The following SEC16A variants were observed in gnomAD, a reference collection of about 807,000 sequenced individuals.
SEC16A encodes the protein SEC16 homolog A, endoplasmic reticulum export factor.
A neutral mutation model predicts 221.9 loss-of-function variants in SEC16A; 110 were observed. The ratio of observed to expected loss-of-function variants is 0.50; its 90% CI spans 0.42 to 0.58. The LOEUF (loss-of-function observed/expected upper bound fraction) is 0.58, where lower values mean the gene tolerates loss of function less well. Among genes scored for constraint, SEC16A ranks in the 20% least tolerant of loss-of-function variants. SEC16A has a pLI of 0.00. For missense variants in SEC16A, 3,165 were observed against 3,097.8 expected (o/e 1.02, Z -0.52); for synonymous variants, 1,393 against 1,257.7 (o/e 1.11, Z -2.28).
rs755216672 is a variant in SEC16A, at chr9:136,443,812, G to A, written c.7005+11C>T. The A allele has an allele frequency of 1.2e-6, 2 of 1,608,264 alleles. No homozygotes were observed. Among genetic ancestry groups the A allele is most frequent in the East Asian group, 4.5e-5 (2 of 44,712 alleles). On this transcript the variant is annotated intron_variant, in intron 31 of 31. Coordinates refer to ENST00000684901, the MANE Select transcript of SEC16A (RefSeq NM_014866.2). The stretch of plus-strand genomic sequence containing the variant: ...GTTAGGGTCTCGTAGGGAAAGGTAG[G>A]AGTCACTCACCTGTGCCAGCTGAGC...
upstream of SEC16A, chr9:136,483,400 T>G (rs1319275325): frequency 5.4e-6 from 3 of 559,142 alleles, no homozygotes; most frequent in African/African-American, 2.7e-5. Context: ...CCGCCCGTCG[T>G]CCGTCTTTCT....
intron 9 of SEC16A, among the ~76,000 whole-genome samples, 165 bp from the exon 10 acceptor site, chr9:136,463,905 A>G (rs1199219789): frequency 1.3e-5 from 2 of 152,260 alleles, no homozygotes; most frequent in Non-Finnish European, 2.9e-5. Flanking sequence ...TACATGGAAC[A>G]TGGCCTGTGT....
chr9:136,476,300 A>C lies in SEC16A; in HGVS notation c.1316T>G (p.Val439Gly). ...CCCTGTGCTCGCTGTGTCACCCCAC[A>C]CATCACCAGCAGCCTCATTGCTGGG... ...PGPSNEAAGD[V>G]WGDTASTGVP... The change falls in exon 3 of 32, where the codon GTG (valine) becomes GGG (glycine). Residue 439 changes from valine (V) to glycine (G), a missense_variant. Val to Gly is a moderately radical substitution (Grantham distance 109). This residue lies in a region of SEC16A where 2,030 missense variants were observed against 1,923.1 expected (regional missense o/e 1.06). Transcript: ENST00000684901. 6.2e-7 allele frequency: 1 copy of C among 1,613,052 alleles called. No individual in the cohort carries two copies. Among genetic ancestry groups the C allele is most frequent in the Non-Finnish European group, 8.5e-7 (1 of 1,179,882 alleles).
intron 17 of SEC16A, among the ~76,000 whole-genome samples, chr9:136,458,879 G>A (rs1226862945): frequency 6.6e-6 from 1 of 152,114 alleles, no homozygotes; most frequent in Non-Finnish European, 1.5e-5. Flanking sequence ...TCCAGCCTGG[G>A]CAACAGAGTG....
At chr9:136,442,930 C>CT (rs1554797087) in intron 31 of SEC16A, among the ~76,000 whole-genome samples, 2 of 152,146 alleles carry the variant, frequency 1.3e-5, no homozygotes, top group Non-Finnish European at 1.5e-5. Context: ...AAAAAACATA[C>CT]AAAAAAAGCA....
chr9:136,448,229 G>C (rs1837271035), intron 23 of SEC16A, 68 bp from the exon 24 acceptor site: 1 of 1,380,246 alleles, frequency 7.2e-7, no homozygotes, highest in South Asian at 1.2e-5. Context: ...AGGGCAAAAA[G>C]ACAAATTCTA....
rs759525366 is a variant in SEC16A at position 136,446,873 on chromosome 9, C to T, written c.6774G>A (p.Glu2258=). 3.1e-6 allele frequency: 5 copies of T among 1,609,872 alleles called. No individual in the cohort carries two copies. The African/African-American group carries it at 6.7e-5, about 22-fold the overall frequency. The part of the protein sequence containing the change: ...PAAARGLANP[E]PAPEPKVLSS... ...CGCTCACCTTGGGCTCTGGGGCAGGCTCTGGATTGGCCAGGCCCCTAGCTG... is the reference window on the plus strand; with the variant it reads ...CGCTCACCTTGGGCTCTGGGGCAGGTTCTGGATTGGCCAGGCCCCTAGCTG... Residue 2258 remains glutamate, a synonymous_variant, in exon 28 of 32, where the codon GAG becomes GAA. Coordinates refer to ENST00000684901, the MANE Select transcript of SEC16A (RefSeq NM_014866.2).
chr9:136,477,356 G>A lies in SEC16A; in HGVS notation c.260C>T (p.Ser87Phe). The A allele has an allele frequency of 5.0e-6, 8 of 1,614,020 alleles. No individual in the cohort carries two copies. The highest frequency in any genetic ancestry group is 6.8e-6 in the Non-Finnish European group (8 of 1,179,898). Reference sequence around the variant, plus strand: ...AGGAACAAGCAAACCGGGGTGCTGAGAAAACCCTGCGGGGGCTGGGCCTTG... The same window carrying A: ...AGGAACAAGCAAACCGGGGTGCTGAAAAAACCCTGCGGGGGCTGGGCCTTG... ...VLQGPAPAGF[S>F]QHPGLLVPHT... The change falls in exon 3 of 32, where the codon TCT becomes TTT. Residue 87 changes from serine (S) to phenylalanine (F), a missense_variant. By Grantham distance (155) the Ser-to-Phe change is radical. Transcript: ENST00000684901.
Position 136,447,087 on chromosome 9 carries a change from A to G in SEC16A, c.6698-138T>C. The G allele has an allele frequency of 6.9e-7, 1 of 1,444,902 alleles. No individual in the cohort carries two copies. The highest frequency in any genetic ancestry group is 9.3e-7 in the Non-Finnish European group (1 of 1,072,812). The allele number at this position is 1,444,902 out of a possible 1,614,324, so 89.5% of individuals were successfully genotyped here. ...CAGAAACAGGCAAATCAAAAAAAAA[A>G]CCACAAACCAACCCCAGGCTCTCTG... is the stretch of plus-strand genomic sequence containing the variant. On this transcript the variant is annotated intron_variant, in intron 27 of 31. Transcript: ENST00000684901. The surrounding 1 kb of genome is among the most constrained non-coding windows in gnomAD (Gnocchi z 5.5).
intron 12 of SEC16A, among the ~76,000 whole-genome samples, 155 bp downstream of exon 12, chr9:136,462,732 G>A (rs1948243198): frequency 6.6e-6 from 1 of 152,234 alleles, no homozygotes; most frequent in African/African-American, 2.4e-5. Flanking sequence ...ACAAGAGTCA[G>A]GCATTGTTCA....
intron 8 of SEC16A, 124 bp downstream of exon 8, chr9:136,465,838 G>T: frequency 5.1e-6 from 5 of 985,656 alleles, no homozygotes; most frequent in Non-Finnish European, 5.9e-6. Context: ...AGGACGGATT[G>T]GGTCAGAGCC....
At chr9:136,482,882 C>T in intron 1 of SEC16A, 56 bp downstream of exon 1, 1 of 743,250 alleles carries the variant, frequency 1.3e-6, no homozygotes, top group Non-Finnish European at 1.6e-6. Context: ...CTCCGCCGGC[C>T]GGCCTCCGCC....
rs755453466 is a variant in SEC16A at position 136,476,733 on chromosome 9, T to C, written c.883A>G (p.Asn295Asp). Residue 295 changes from asparagine to aspartate, a missense_variant, in exon 3 of 32, where the codon AAC becomes GAC. Coordinates refer to ENST00000684901, the MANE Select transcript of SEC16A (RefSeq NM_014866.2). ...HLQSGSHLAN[N>D]SDPESTFRQN... ...CTGAATGTACTTTCAGGATCAGAGTTATTGGCCAGGTGGCTTCCACTTTGC... is the reference window on the plus strand; with the variant it reads ...CTGAATGTACTTTCAGGATCAGAGTCATTGGCCAGGTGGCTTCCACTTTGC... 16 of 1,605,268 alleles carry C rather than the reference T, an allele frequency of 1.0e-5. No homozygotes were observed. Among genetic ancestry groups the C allele is most frequent in the Non-Finnish European group, 1.4e-5 (16 of 1,174,452 alleles).
intron 30 of SEC16A, 53 bp from the exon 31 acceptor site, chr9:136,443,953 C>A: frequency 7.5e-7 from 1 of 1,324,648 alleles, no homozygotes; most frequent in South Asian, 1.3e-5. Context: ...CAGCAGCTGT[C>A]ACTTCAAGTG....
Position 136,477,071 on chromosome 9 carries a change from AGCCCAG to A in SEC16A, c.539_544del (p.Pro180_Gly181del), listed in dbSNP as rs1416207424. The A allele has an allele frequency of 6.2e-7, 1 of 1,613,754 alleles. No individual in the cohort carries two copies. Among genetic ancestry groups the A allele is most frequent in the Admixed American group, 1.7e-5 (1 of 60,012 alleles). On this transcript the variant is annotated inframe_deletion, in exon 3 of 32. Transcript: ENST00000684901. ...GTTTTGCCTGCTCAGGGGTCGGTCG[AGCCCAG>A]GCATGTTCCCATGAGGGTGGCCCCC... is the stretch of plus-strand genomic sequence containing the variant.
intron 13 of SEC16A, among the ~76,000 whole-genome samples, chr9:136,460,563 A>T (rs1839340896): frequency 6.6e-6 from 1 of 151,668 alleles, no homozygotes; most frequent in South Asian, 2.1e-4. Context: ...AAGTACACAC[A>T]TCTCAATATT....
Position 136,475,704 on chromosome 9 carries a change from T to C in SEC16A, c.1912A>G (p.Thr638Ala), listed in dbSNP as rs770432903. Reference sequence around the variant, plus strand: ...CTGCACTGCTTCTGGCGGACACAGGTCTCCCTTACTTCACCAACCACGTTG... The same window carrying C: ...CTGCACTGCTTCTGGCGGACACAGGCCTCCCTTACTTCACCAACCACGTTG... ...RANVVGEVRE[T>A]CVRQKQCRPA... The change falls in exon 3 of 32, where the codon ACC (threonine) becomes GCC (alanine). Residue 638 changes from threonine (T) to alanine (A), a missense_variant. By Grantham distance (58) the Thr-to-Ala change is moderately conservative (BLOSUM62 0). Around this residue, in one of 3 missense-constraint regions of SEC16A, gnomAD observed 2,030 missense variants for 1,923.1 expected, o/e 1.06. Transcript: ENST00000684901. The surrounding 1 kb of genome is among the most constrained non-coding windows in gnomAD (Gnocchi z 5.0). The C allele has an allele frequency of 1.2e-6, 2 of 1,613,190 alleles. No individual in the cohort carries two copies. Among genetic ancestry groups the C allele is most frequent in the Admixed American group, 1.7e-5 (1 of 59,908 alleles).
chr9:136,479,238 GTTCTT>G (rs1842017636), intron 1 of SEC16A, among the ~76,000 whole-genome samples: 1 of 152,180 alleles, frequency 6.6e-6, no homozygotes, highest in African/African-American at 2.4e-5. Flanking sequence ...CTTTAGGAAA[GTTCTT>G]TTCTTTCTAT....
At position 136,468,526 on chromosome 9, in the gene SEC16A, C is replaced by T; in HGVS notation, c.3705-14G>A. 1.3e-6 allele frequency: 2 copies of T among 1,538,260 alleles called. No homozygotes were observed. Among genetic ancestry groups the T allele is most frequent in the Non-Finnish European group, 1.8e-6 (2 of 1,111,474 alleles). ...GGATATCCTTGCCTGAAAAAACACA[C>T]AGTGCTGTTAAAACACAAATTACCT... is the stretch of plus-strand genomic sequence containing the variant. On this transcript the variant is annotated splice_polypyrimidine_tract_variant and intron_variant, in intron 4 of 31. Transcript: ENST00000684901.
Sources: allele counts gnomAD v4.1 joint callset (sites outside exome capture counted in the v4.1 genomes callset), GRCh38; gene constraint gnomAD v4.1.1; regional missense constraint gnomAD v4.1.1; non-coding constraint Gnocchi (gnomAD v3.1); transcripts MANE v1.5; gene names NCBI Gene and HGNC (gene_info 2026-07-23, HGNC 2026-07-21).